Variants in ITGA9 observed in about 807,000 individuals in gnomAD.
ITGA9 encodes the protein integrin subunit alpha 9, also known as integrin alpha-9.
ITGA9 carries 56 observed loss-of-function variants against 127.8 expected under a neutral mutation model. The observed-to-expected ratio is 0.44, with a 90% CI of 0.35 to 0.55. ITGA9 has a LOEUF of 0.55. ITGA9 is among the 20% of genes least tolerant of loss of function. The pLI, the probability that ITGA9 is intolerant of heterozygous loss-of-function variation, is 0.00. For missense variants in ITGA9, 1,196 were observed against 1,347.1 expected (o/e 0.89, Z 1.76); for synonymous variants, 508 against 514.5 (o/e 0.99, Z 0.17).
chr3:37,477,411 T>C (rs1485070271), intron 3 of ITGA9, among the ~76,000 whole-genome samples: 1 of 152,208 alleles, frequency 6.6e-6, no homozygotes, highest in African/African-American at 2.4e-5. Flanking sequence ...AAAGGCATTA[T>C]GTGGACCATG....
chr3:37,743,523 G>T (rs1302734214), intron 21 of ITGA9, among the ~76,000 whole-genome samples: 2 of 152,100 alleles, frequency 1.3e-5, no homozygotes, highest in Non-Finnish European at 2.9e-5. Context: ...TCATAGAGTG[G>T]GGTTTAGGAT....
rs1179504340 is a variant in ITGA9 at position 37,820,274 on chromosome 3, T to G, written c.*1285T>G. 6.6e-6 allele frequency: 1 copy of G among 152,062 alleles called. No homozygotes were observed. Among genetic ancestry groups the G allele is most frequent in the East Asian group, 1.9e-4 (1 of 5,188 alleles). 9.4% of individuals were successfully genotyped at this position (152,062 alleles called of 1,614,324 possible). A position where few individuals can be genotyped will look rare whatever the true frequency, so the allele number is the denominator to read the frequency against. On this transcript the variant is annotated 3_prime_UTR_variant, in exon 28 of 28. Coordinates refer to ENST00000264741, the MANE Select transcript of ITGA9 (RefSeq NM_002207.3). Reference sequence around the variant, plus strand: ...CGGAGGAAAAGTTAGGCCTCAGAGGTGTCCCAACCTGAATCAAGGGGCTGG... The same window carrying G: ...CGGAGGAAAAGTTAGGCCTCAGAGGGGTCCCAACCTGAATCAAGGGGCTGG...
intron 26 of ITGA9, among the ~76,000 whole-genome samples, chr3:37,801,500 G>T (rs140254273): frequency 8.9e-4 from 136 of 152,160 alleles, no homozygotes; most frequent in African/African-American, 3.1e-3. Context: ...AGCTGGGAGT[G>T]GTGGCTCATG....
intron 11 of ITGA9, among the ~76,000 whole-genome samples, 159 bp downstream of exon 11, chr3:37,519,513 A>G (rs1374268764): frequency 3.3e-5 from 5 of 152,230 alleles, no homozygotes; most frequent in African/African-American, 7.2e-5. Flanking sequence ...AATATTGCTT[A>G]TTAAATACTA....
intron 23 of ITGA9, among the ~76,000 whole-genome samples, chr3:37,771,431 A>G (rs1462891427): frequency 6.6e-6 from 1 of 152,218 alleles, no homozygotes; most frequent in Non-Finnish European, 1.5e-5. Context: ...GCAACTAAGG[A>G]CAACCTGAGT....
intron 15 of ITGA9, among the ~76,000 whole-genome samples, chr3:37,618,659 T>C (rs541162608): frequency 6.6e-6 from 1 of 152,294 alleles, no homozygotes; most frequent in South Asian, 2.1e-4. Context: ...GCCTTGGCGA[T>C]GGTGGGCGCC....
chr3:37,673,282 G>C (rs1700654157), intron 17 of ITGA9, among the ~76,000 whole-genome samples: 1 of 152,102 alleles, frequency 6.6e-6, no homozygotes, highest in South Asian at 2.1e-4. Context: ...TCCAAGCTGA[G>C]AGTAATGGAC....
intron 16 of ITGA9, among the ~76,000 whole-genome samples, chr3:37,636,117 C>A (rs1286039259): frequency 6.6e-6 from 1 of 152,044 alleles, no homozygotes; most frequent in Non-Finnish European, 1.5e-5. Context: ...TTTATAGCAG[C>A]ATGATTTATA....
At chr3:37,652,009 T>C (rs191963900) in intron 16 of ITGA9, among the ~76,000 whole-genome samples, 4 of 152,134 alleles carry the variant, frequency 2.6e-5, no homozygotes, top group Admixed American at 1.3e-4. Flanking sequence ...CTCACAAAGT[T>C]GGACTGTCTT....
At chr3:37,793,164 T>C (rs1395954151) in intron 26 of ITGA9, among the ~76,000 whole-genome samples, 1 of 151,996 alleles carries the variant, frequency 6.6e-6, no homozygotes, top group African/African-American at 2.4e-5. Flanking sequence ...AATTGAAATA[T>C]GCTTCAGTTG....
intron 26 of ITGA9, among the ~76,000 whole-genome samples, chr3:37,801,316 G>C (rs542603094): frequency 6.6e-6 from 1 of 152,256 alleles, no homozygotes; most frequent in Non-Finnish European, 1.5e-5. Flanking sequence ...TGGAAGGAAG[G>C]GGGAAGGGAG....
intron 15 of ITGA9, among the ~76,000 whole-genome samples, chr3:37,595,591 A>G (rs1289099711): frequency 6.6e-6 from 1 of 152,310 alleles, no homozygotes; most frequent in Non-Finnish European, 1.5e-5. Context: ...TGCTGGTAAC[A>G]GTGGAGTTTG....
intron 15 of ITGA9, among the ~76,000 whole-genome samples, chr3:37,595,279 G>A (rs535517342): frequency 6.6e-6 from 1 of 152,152 alleles, no homozygotes; most frequent in African/African-American, 2.4e-5. Flanking sequence ...TCCACCACCA[G>A]GTCAGACAGT....
intron 15 of ITGA9, among the ~76,000 whole-genome samples, chr3:37,570,251 T>C (rs1699587644): frequency 6.6e-6 from 1 of 152,248 alleles, no homozygotes; most frequent in Admixed American, 6.5e-5. Context: ...TTTAGAGTCC[T>C]GTGGGTTATT....
intron 26 of ITGA9, among the ~76,000 whole-genome samples, chr3:37,785,992 T>A (rs890917110): frequency 4.8e-5 from 7 of 145,668 alleles, no homozygotes; most frequent in African/African-American, 1.8e-4. Flanking sequence ...TTGCCTTTTA[T>A]TGTTGTTCTT....
chr3:37,637,478 G>C (rs559100880), intron 16 of ITGA9, among the ~76,000 whole-genome samples: 12 of 152,218 alleles, frequency 7.9e-5, no homozygotes, highest in African/African-American at 2.6e-4. Flanking sequence ...TTTGTACATT[G>C]ATTTTGTATC....
chr3:37,634,432 G>C (rs1213163597), intron 16 of ITGA9, among the ~76,000 whole-genome samples: 1 of 151,928 alleles, frequency 6.6e-6, no homozygotes, highest in African/African-American at 2.4e-5. Context: ...TATGCAAATG[G>C]AAACCAACAC....
intron 18 of ITGA9, among the ~76,000 whole-genome samples, chr3:37,717,633 G>A (rs1323526024): frequency 6.6e-6 from 1 of 152,068 alleles, no homozygotes; most frequent in African/African-American, 2.4e-5. Context: ...GATCTCATGA[G>A]AACTCACTCA....
chr3:37,609,250 A>G (rs1299234002), intron 15 of ITGA9, among the ~76,000 whole-genome samples: 1 of 152,130 alleles, frequency 6.6e-6, no homozygotes, highest in Non-Finnish European at 1.5e-5. Flanking sequence ...TTAATAGGGA[A>G]GGGTTTCTTC....
Sources: allele counts gnomAD v4.1 joint callset (sites outside exome capture counted in the v4.1 genomes callset), GRCh38; gene constraint gnomAD v4.1.1; transcripts MANE v1.5; gene names NCBI Gene and HGNC (gene_info 2026-07-23, HGNC 2026-07-21).